The following CNTNAP2 variants were observed in gnomAD, a reference collection of about 807,000 sequenced individuals.
CNTNAP2 encodes the protein contactin associated protein 2.
A neutral mutation model predicts 155.2 loss-of-function variants in CNTNAP2; 98 were observed. That is an observed-to-expected ratio of 0.63 (90% CI 0.54 to 0.75). The LOEUF is 0.75. Ranked by LOEUF, CNTNAP2 falls within the 30% of genes least tolerant of loss-of-function variation. The pLI is 0.00. For missense variants in CNTNAP2, 1,727 were observed against 1,688.1 expected (o/e 1.02, Z -0.40); for synonymous variants, 651 against 631.2 (o/e 1.03, Z -0.47).
chr7:147,533,657 G>C lies in CNTNAP2; in HGVS notation c.1778-28481G>C, dbSNP rs150260218. On this transcript the variant is annotated intron_variant, in intron 11 of 23. Transcript: ENST00000361727. Reference sequence around the variant, plus strand: ...ACAATGGCTCATATGTGTAATCCCAGCTACTCAGGAGGCTGAGGCAAGAGG... The same window carrying C: ...ACAATGGCTCATATGTGTAATCCCACCTACTCAGGAGGCTGAGGCAAGAGG... Among the ~76,000 whole-genome samples, 1,113 of 150,294 alleles carry C rather than the reference G, an allele frequency of 7.4e-3. 15 individuals are homozygous for C. Among genetic ancestry groups the C allele is most frequent in the African/African-American group, 0.026 (1,063 of 40,868 alleles).
intron 9 of CNTNAP2, among the ~76,000 whole-genome samples, chr7:147,375,494 T>C (rs1796419074): frequency 6.6e-6 from 1 of 152,058 alleles, no homozygotes; most frequent in Non-Finnish European, 1.5e-5. Flanking sequence ...TGATAATTAC[T>C]CTTGCAATCT....
intron 2 of CNTNAP2, among the ~76,000 whole-genome samples, chr7:146,805,330 T>G (rs1802947947): frequency 6.6e-6 from 1 of 152,142 alleles, no homozygotes; most frequent in Admixed American, 6.6e-5. Context: ...ACATAAATCA[T>G]TAGGCATAGG....
intron 3 of CNTNAP2, among the ~76,000 whole-genome samples, chr7:146,856,804 T>A (rs111280800): frequency 0.028 from 4,239 of 152,220 alleles, 96 homozygotes; most frequent in Non-Finnish European, 0.043. Context: ...AATTGAAGAA[T>A]ATTCTATGAG....
chr7:147,262,785 G>C (rs528494510), intron 8 of CNTNAP2, among the ~76,000 whole-genome samples: 4 of 151,960 alleles, frequency 2.6e-5, no homozygotes, highest in South Asian at 4.2e-4. Context: ...CAGCCTGGGC[G>C]ACAGACAGAG....
At chr7:146,843,544 T>A (rs998870115) in intron 3 of CNTNAP2, among the ~76,000 whole-genome samples, 9 of 149,752 alleles carry the variant, frequency 6.0e-5, no homozygotes, top group African/African-American at 2.2e-4. Context: ...TGCCACATAA[T>A]GATTACATTA....
At position 147,165,230 on chromosome 7, in the gene CNTNAP2, T is replaced by G. The variant is rs186337679; in HGVS notation, c.1348+32721T>G. 2.3e-3 allele frequency among the ~76,000 whole-genome samples: 350 copies of G among 152,330 alleles called. 5 individuals are homozygous for G. Among genetic ancestry groups the G allele is most frequent in the Admixed American group, 0.02 (300 of 15,292 alleles). ...GGGGTATTGCATTGTGGTTTTGATT[T>G]GTACTTCCCTGATCATTAGTGACAT... On this transcript the variant is annotated intron_variant, in intron 8 of 23. Coordinates refer to ENST00000361727, the MANE Select transcript of CNTNAP2 (RefSeq NM_014141.6).
chr7:147,548,911 C>T (rs1799795252), intron 11 of CNTNAP2, among the ~76,000 whole-genome samples: 1 of 152,010 alleles, frequency 6.6e-6, no homozygotes, highest in African/African-American at 2.4e-5. Context: ...AGAGCAGATG[C>T]TTGTAGATGT....
At chr7:147,869,058 A>G (rs2116698286) in intron 13 of CNTNAP2, among the ~76,000 whole-genome samples, 1 of 152,298 alleles carries the variant, frequency 6.6e-6, no homozygotes, top group South Asian at 2.1e-4. Context: ...TGCATCGATC[A>G]CACTGGGTGC....
intron 11 of CNTNAP2, among the ~76,000 whole-genome samples, chr7:147,540,741 G>T (rs1799623722): frequency 6.6e-6 from 1 of 151,990 alleles, no homozygotes; most frequent in Admixed American, 6.6e-5. Context: ...TGAGGCAAAA[G>T]AATCGCTTGA....
intron 15 of CNTNAP2, among the ~76,000 whole-genome samples, chr7:148,058,272 C>A (rs1376121638): frequency 6.6e-6 from 1 of 152,126 alleles, no homozygotes; most frequent in African/African-American, 2.4e-5. Flanking sequence ...AAAGCTCAGA[C>A]TCTCCCAGAG....
At chr7:147,949,532 C>T (rs1379019628) in intron 14 of CNTNAP2, among the ~76,000 whole-genome samples, 2 of 151,082 alleles carry the variant, frequency 1.3e-5, no homozygotes, top group East Asian at 3.9e-4. Flanking sequence ...CTCAAGATGT[C>T]TTAAGAAACT....
intron 1 of CNTNAP2, among the ~76,000 whole-genome samples, chr7:146,456,432 G>T (rs559980237): frequency 4.6e-5 from 7 of 152,080 alleles, no homozygotes; most frequent in Non-Finnish European, 8.8e-5. Context: ...AGAACAAAAA[G>T]TTCCAGATTC....
intron 13 of CNTNAP2, among the ~76,000 whole-genome samples, chr7:147,790,501 T>C (rs1429171034): frequency 6.6e-6 from 1 of 152,232 alleles, no homozygotes; most frequent in Admixed American, 6.5e-5. Context: ...AAAGGAAACC[T>C]GATTTATTGT....
At chr7:148,343,759 A>G (rs776405401) in intron 21 of CNTNAP2, among the ~76,000 whole-genome samples, 1 of 152,254 alleles carries the variant, frequency 6.6e-6, no homozygotes, top group Non-Finnish European at 1.5e-5. Context: ...GGACTAGATT[A>G]CTAAATAGGT....
intron 15 of CNTNAP2, among the ~76,000 whole-genome samples, chr7:147,985,279 T>TG (rs969098341): frequency 1.5e-4 from 22 of 151,090 alleles, no homozygotes; most frequent in African/African-American, 5.3e-4. Context: ...GAACCCCCAC[T>TG]GGGGGTGGGG....
At chr7:147,474,121 T>C (rs1798274433) in intron 10 of CNTNAP2, among the ~76,000 whole-genome samples, 1 of 151,788 alleles carries the variant, frequency 6.6e-6, no homozygotes, top group Non-Finnish European at 1.5e-5. Flanking sequence ...AAATAAAGTT[T>C]TGTTTTTACA....
chr7:147,674,898 G>T (rs1009300564), intron 13 of CNTNAP2, among the ~76,000 whole-genome samples: 1 of 151,688 alleles, frequency 6.6e-6, no homozygotes, highest in South Asian at 2.1e-4. Context: ...TAAAAATTAT[G>T]CATGATCAGC....
chr7:147,798,497 T>C (rs1014017866), intron 13 of CNTNAP2, among the ~76,000 whole-genome samples: 1 of 152,226 alleles, frequency 6.6e-6, no homozygotes, highest in Non-Finnish European at 1.5e-5. Flanking sequence ...GTTTTTGTCC[T>C]GTACGTAATG....
chr7:147,732,187 C>CCCCCCCCCCCCCCCCT (rs1796752898), intron 13 of CNTNAP2, among the ~76,000 whole-genome samples: 8 of 137,340 alleles, frequency 5.8e-5, no homozygotes, highest in South Asian at 2.6e-4. Context: ...TCCCTCCCCC[C>CCCCCCCCCCCCCCCCT]CCCACCACCC....
Sources: gnomAD v4.1 joint callset for allele counts (sites outside exome capture counted in the v4.1 genomes callset) on GRCh38, gnomAD v4.1.1 for gene constraint, MANE v1.5 for transcripts, NCBI Gene and HGNC (gene_info 2026-07-23, HGNC 2026-07-21) for gene names.